DTX1: variants seen among roughly 807,000 people sequenced by gnomAD.
DTX1 encodes the protein deltex E3 ubiquitin ligase 1, also known as E3 ubiquitin-protein ligase DTX1.
DTX1 carries 26 observed loss-of-function variants against 57.8 expected under a neutral mutation model. The observed-to-expected ratio is 0.45, with a 90% CI of 0.33 to 0.62. The LOEUF is 0.62. Among genes scored for constraint, DTX1 ranks in the 20% least tolerant of loss-of-function variants. The pLI is 0.02. For missense variants in DTX1, 704 were observed against 895.3 expected (o/e 0.79, Z 2.73); for synonymous variants, 398 against 394.1 (o/e 1.01, Z -0.12).
rs1379048802 is a variant in DTX1, at chr12:113,078,116, G to C, written c.941+11G>C. ...CTCCATCCCGCCGGGGTAAGACGGGGCCCAGGGGGAGGGGGCCTCTGCGTC... is the reference window on the plus strand; with the variant it reads ...CTCCATCCCGCCGGGGTAAGACGGGCCCCAGGGGGAGGGGGCCTCTGCGTC... On this transcript the variant is annotated intron_variant, in intron 3 of 9. Coordinates refer to ENST00000548759, the MANE Select transcript of DTX1 (RefSeq NM_004416.3). The C allele has an allele frequency of 3.7e-6, 5 of 1,357,258 alleles. No individual in the cohort carries two copies. The highest frequency in any genetic ancestry group is 4.7e-6 in the Non-Finnish European group (5 of 1,057,790). The allele number at this position is 1,357,258 out of a possible 1,614,324, so 84.1% of individuals were successfully genotyped here. A position where few individuals can be genotyped will look rare whatever the true frequency, so the allele number is the denominator to read the frequency against.
At chr12:113,084,498 G>T (rs1383523289) in intron 3 of DTX1, among the ~76,000 whole-genome samples, 2 of 152,078 alleles carry the variant, frequency 1.3e-5, no homozygotes, top group Non-Finnish European at 2.9e-5. Context: ...CAATCCTCCT[G>T]CCTCAGCCTC....
chr12:113,058,146 C>T lies in DTX1; in HGVS notation c.-47C>T, dbSNP rs1397831429. On this transcript the variant is annotated 5_prime_UTR_variant, in exon 2 of 10. Coordinates refer to ENST00000548759, the MANE Select transcript of DTX1 (RefSeq NM_004416.3). ...CGCCTGCTGCCAGGCCCAGGAGGAG[C>T]TGGGCCTGCAATAGTGGGGGACCTG... is the stretch of plus-strand genomic sequence containing the variant. 2 of 1,535,564 alleles carry T rather than the reference C, an allele frequency of 1.3e-6. No individual in the cohort carries two copies. The highest frequency in any genetic ancestry group is 1.8e-6 in the Non-Finnish European group (2 of 1,140,818).
At chr12:113,082,540 C>G (rs2044826360) in intron 3 of DTX1, among the ~76,000 whole-genome samples, 1 of 152,218 alleles carries the variant, frequency 6.6e-6, no homozygotes, top group Non-Finnish European at 1.5e-5. Flanking sequence ...CACTGTCACT[C>G]TCGTCCCCAA....
In DTX1 at chr12:113,094,106, AGGGGATGGG is replaced by A; in HGVS notation, c.1227+12_1227+20del. 7 of 524,434 alleles carry A rather than the reference AGGGGATGGG, an allele frequency of 1.3e-5. No individual in the cohort carries two copies. Among genetic ancestry groups the A allele is most frequent in the South Asian group, 1.8e-5 (1 of 55,446 alleles). 32.5% of individuals were successfully genotyped at this position (524,434 alleles called of 1,614,324 possible). A position where few individuals can be genotyped will look rare whatever the true frequency, so the allele number is the denominator to read the frequency against. ...GAAAAACCCACCTGATGAGGTGAGG[AGGGGATGGG>A]GGGGCTGGGGGAGGGCCCTGGCATG... On this transcript the variant is annotated splice_region_variant and intron_variant, in intron 6 of 9. Coordinates refer to ENST00000548759, the MANE Select transcript of DTX1 (RefSeq NM_004416.3).
At chr12:113,067,512 G>A (rs1435955317) in intron 2 of DTX1, among the ~76,000 whole-genome samples, 1 of 152,228 alleles carries the variant, frequency 6.6e-6, no homozygotes, top group African/African-American at 2.4e-5. Flanking sequence ...CAGGGCCTGG[G>A]CAACTAATAG....
chr12:113,094,642 G>T lies in DTX1; in HGVS notation c.1228-147G>T, dbSNP rs549646573. 91 of 826,758 alleles carry T rather than the reference G, an allele frequency of 1.1e-4. 1 individual carries two copies. Among genetic ancestry groups the T allele is most frequent in the South Asian group, 1.1e-3 (53 of 48,696 alleles). 51.2% of individuals were successfully genotyped at this position (826,758 alleles called of 1,614,324 possible). A position where few individuals can be genotyped will look rare whatever the true frequency, so the allele number is the denominator to read the frequency against. On this transcript the variant is annotated intron_variant, in intron 6 of 9. Transcript: ENST00000548759. ...GAAAAGAAAATAAAACAATGTATGG[G>T]GCAGAGGGTGTGTCCTGTCTCCCTT...
Position 113,094,830 on chromosome 12 carries a change from C to T in DTX1, c.1269C>T (p.Gly423=), listed in dbSNP as rs767421067. 2 of 1,613,880 alleles carry T rather than the reference C, an allele frequency of 1.2e-6. No homozygotes were observed. Among genetic ancestry groups the T allele is most frequent in the Non-Finnish European group, 1.7e-6 (2 of 1,180,000 alleles). Residue 423 remains glycine (G), a synonymous_variant, in exon 7 of 10, where the codon GGC becomes GGT. Coordinates refer to ENST00000548759, the MANE Select transcript of DTX1 (RefSeq NM_004416.3). ...TGGAGCGACTGGTCACAGCATCAGG[C>T]TACGAGGGCGTGCTTCGGCACAAGG... The part of the protein sequence containing the change: ...ICMERLVTAS[G]YEGVLRHKGV...
chr12:113,069,014 TATC>T (rs2044722602), intron 2 of DTX1, among the ~76,000 whole-genome samples: 1 of 152,218 alleles, frequency 6.6e-6, no homozygotes, highest in Non-Finnish European at 1.5e-5. Flanking sequence ...TAGTTATCAT[TATC>T]ATATGTTTAT....
chr12:113,094,121 T>TGGGGGGGTG, intron 6 of DTX1, 22 bp downstream of exon 6: 1 of 443,350 alleles, frequency 2.3e-6, no homozygotes, highest in Admixed American at 3.4e-5. Flanking sequence ...ATGGGGGGGC[T>TGGGGGGGTG]GGGGGAGGGC....
Position 113,080,589 on chromosome 12 carries a change from A to AGAATGGAATGGAATGGAATGGAATG in DTX1, c.941+2488_941+2512dup, listed in dbSNP as rs111327121. 8.1e-4 allele frequency among the ~76,000 whole-genome samples: 123 copies of AGAATGGAATGGAATGGAATGGAATG among 151,276 alleles called. 4 individuals carry two copies. The South Asian group carries it at 0.014, about 17-fold the overall frequency. On this transcript the variant is annotated intron_variant, in intron 3 of 9. Transcript: ENST00000548759. ...GTTGTAGCCAGAATTTTCTTGGAAC[A>AGAATGGAATGGAATGGAATGGAATG]GAATGGAATGGAATGGAATGGAATG...
chr12:113,096,762 TATCGGCACGTCCAACACCACGG>T lies in DTX1; in HGVS notation c.1687_1708del (p.Ile563AlafsTer32). ...CCTGGGAGAGAAGACTCATCTTCAC[TATCGGCACGTCCAACACCACGG>T]GCGAGTCGGACACCGTGGTGTGGAA... On this transcript the variant is annotated frameshift_variant, in exon 10 of 10. Coordinates refer to ENST00000548759, the MANE Select transcript of DTX1 (RefSeq NM_004416.3). LOFTEE classifies it high-confidence loss of function. 1 of 1,613,808 alleles carries T rather than the reference TATCGGCACGTCCAACACCACGG, an allele frequency of 6.2e-7. No homozygotes were observed. Among genetic ancestry groups the T allele is most frequent in the Non-Finnish European group, 8.5e-7 (1 of 1,180,026 alleles).
At chr12:113,063,201 G>A (rs886492010) in intron 2 of DTX1, among the ~76,000 whole-genome samples, 1 of 152,266 alleles carries the variant, frequency 6.6e-6, no homozygotes, top group Non-Finnish European at 1.5e-5. Context: ...TGCTCAGCTG[G>A]TGGCTGGGCT....
intron 3 of DTX1, among the ~76,000 whole-genome samples, chr12:113,081,720 G>A (rs1331119461): frequency 1.3e-5 from 2 of 152,164 alleles, no homozygotes; most frequent in African/African-American, 2.4e-5. Flanking sequence ...AAGGGCTAGA[G>A]GTGTGGGGAG....
intron 2 of DTX1, among the ~76,000 whole-genome samples, chr12:113,074,891 C>A (rs2044759805): frequency 6.6e-6 from 1 of 152,136 alleles, no homozygotes; most frequent in South Asian, 2.1e-4. Context: ...GGAAGAGCAT[C>A]CGGAAGCGCA....
chr12:113,067,648 TC>T (rs2044712946), intron 2 of DTX1, among the ~76,000 whole-genome samples: 1 of 152,218 alleles, frequency 6.6e-6, no homozygotes, highest in South Asian at 2.1e-4. Flanking sequence ...CAGCTCCTGC[TC>T]ACTGTTGCCA....
rs1592861025 is a variant in DTX1, at chr12:113,097,166, A to G, written c.*227A>G. The G allele has an allele frequency of 5.4e-6, 3 of 551,120 alleles. No individual in the cohort carries two copies. Among genetic ancestry groups the G allele is most frequent in the Non-Finnish European group, 9.6e-6 (3 of 311,218 alleles). 34.1% of individuals were successfully genotyped at this position (551,120 alleles called of 1,614,324 possible). On this transcript the variant is annotated 3_prime_UTR_variant, in exon 10 of 10. Transcript: ENST00000548759. ...GAGGGCCAAGCAGAGAGTACTGGAAACCTCCCTACCAAAAAGACAGAGACC... is the reference window on the plus strand; with the variant it reads ...GAGGGCCAAGCAGAGAGTACTGGAAGCCTCCCTACCAAAAAGACAGAGACC...
At chr12:113,071,823 C>T (rs10744794) in intron 2 of DTX1, among the ~76,000 whole-genome samples, 56,237 of 152,164 alleles carry the variant, frequency 0.37, 11,322 homozygotes, top group East Asian at 0.84. Flanking sequence ...CAGGGCCCAG[C>T]GGGGAGGACA....
intron 9 of DTX1, 24 bp from the exon 10 acceptor site, chr12:113,096,691 C>T: frequency 1.9e-6 from 3 of 1,595,544 alleles, no homozygotes; most frequent in Non-Finnish European, 2.6e-6. Context: ...TCCTCCCGGC[C>T]CCACTGTGTC....
intron 2 of DTX1, among the ~76,000 whole-genome samples, chr12:113,063,516 T>TCA (rs1299899728): frequency 6.6e-6 from 1 of 152,226 alleles, no homozygotes; most frequent in East Asian, 1.9e-4. Context: ...ATCTCCCATG[T>TCA]CGCTCTCCAT....
Sources: gnomAD v4.1 joint callset for allele counts (sites outside exome capture counted in the v4.1 genomes callset) on GRCh38, gnomAD v4.1.1 for gene constraint, MANE v1.5 for transcripts, NCBI Gene and HGNC (gene_info 2026-07-23, HGNC 2026-07-21) for gene names.